Variants in RHD observed in about 807,000 individuals in gnomAD.
RHD encodes the protein blood group Rh(D) polypeptide.
RHD carries 16 observed loss-of-function variants against 45.5 expected under a neutral mutation model. The observed-to-expected ratio is 0.35, with a 90% CI of 0.24 to 0.53. The LOEUF (loss-of-function observed/expected upper bound fraction) is 0.53. RHD is among the 20% of genes least tolerant of loss of function. The probability of loss-of-function intolerance (pLI) is 0.92; values close to 1 mark genes in which losing one functional copy is unlikely to be tolerated. For missense variants in RHD, 306 were observed against 532.0 expected (o/e 0.58, Z 4.18); for synonymous variants, 131 against 217.5 (o/e 0.60, Z 3.50).
At chr1:25,275,600 A>T (rs1161151168) in intron 1 of RHD, among the ~76,000 whole-genome samples, 1 of 133,002 alleles carries the variant, frequency 7.5e-6, no homozygotes, top group African/African-American at 2.6e-5. Context: ...GTATTACTTT[A>T]AGTATTACTA....
At position 25,303,454 on chromosome 1, in the gene RHD, C is replaced by T. The variant is rs1643552167; in HGVS notation, c.934C>T (p.Leu312=). The change falls in exon 6 of 10, where the codon CTG becomes TTG. Residue 312 remains leucine, a synonymous_variant. Coordinates refer to ENST00000328664, the MANE Select transcript of RHD (RefSeq NM_016124.6). The part of the protein sequence containing the change: ...GLISVGGAKY[L]PGCCNRVLGI... Reference sequence around the variant, plus strand: ...GATCTCCGTCGGGGGAGCCAAGTACCTGCCGGTAAGAAACTAGACAACTAA... The same window carrying T: ...GATCTCCGTCGGGGGAGCCAAGTACTTGCCGGTAAGAAACTAGACAACTAA... 7.3e-7 allele frequency: 1 copy of T among 1,379,164 alleles called. No homozygotes were observed. The highest frequency in any genetic ancestry group is 1.0e-6 in the Non-Finnish European group (1 of 978,886). The allele number at this position is 1,379,164 out of a possible 1,614,324, so 85.4% of individuals were successfully genotyped here. A position where few individuals can be genotyped will look rare whatever the true frequency, so the allele number is the denominator to read the frequency against.
chr1:25,306,005 T>C lies in RHD; in HGVS notation c.940-591T>C, dbSNP rs1445570085. Among the ~76,000 whole-genome samples the C allele has an allele frequency of 1.5e-5, 2 of 131,876 alleles. 1 individual carries two copies. Among genetic ancestry groups the C allele is most frequent in the Non-Finnish European group, 3.6e-5 (2 of 55,952 alleles). The allele number at this position is 131,876 out of a possible 152,430, so 86.5% of individuals were successfully genotyped here. On this transcript the variant is annotated intron_variant, in intron 6 of 9. Coordinates refer to ENST00000328664, the MANE Select transcript of RHD (RefSeq NM_016124.6). ...GCTGGCTCACGGCTGTGTGGGAGGCTGAGTGATGGGGAGGAAGGATTACTG... is the reference window on the plus strand; with the variant it reads ...GCTGGCTCACGGCTGTGTGGGAGGCCGAGTGATGGGGAGGAAGGATTACTG...
chr1:25,280,170 A>T (rs143075339), intron 1 of RHD, among the ~76,000 whole-genome samples: 3,310 of 128,672 alleles, frequency 0.026, 885 homozygotes, highest in Non-Finnish European at 0.045. Flanking sequence ...GCTGAGGCAC[A>T]ATTCCTCTCT....
intron 2 of RHD, among the ~76,000 whole-genome samples, chr1:25,288,545 T>TA (rs887707625): frequency 7.9e-6 from 1 of 125,854 alleles, no homozygotes; most frequent in Non-Finnish European, 1.9e-5. Flanking sequence ...ATAATAGCAA[T>TA]AACCAACTCC....
intron 7 of RHD, among the ~76,000 whole-genome samples, chr1:25,313,803 A>G (rs1402090436): frequency 7.5e-6 from 1 of 132,728 alleles, no homozygotes; most frequent in East Asian, 2.0e-4. Flanking sequence ...AGGGGTTTAT[A>G]ATATGAGTTT....
Position 25,302,132 on chromosome 1 carries a change from G to C in RHD, c.801+446G>C, listed in dbSNP as rs752832689. Among the ~76,000 whole-genome samples, 10 of 131,258 alleles carry C rather than the reference G, an allele frequency of 7.6e-5. 2 individuals are homozygous for C. The highest frequency in any genetic ancestry group is 1.8e-4 in the Non-Finnish European group (10 of 55,660). The allele number at this position is 131,258 out of a possible 152,430, so 86.1% of individuals were successfully genotyped here. ...GTGGCTCTGGTCAAGCCACTTCAACGTTTTGAGTCTCAGTGGCCTCATCTG... is the reference window on the plus strand; with the variant it reads ...GTGGCTCTGGTCAAGCCACTTCAACCTTTTGAGTCTCAGTGGCCTCATCTG... On this transcript the variant is annotated intron_variant, in intron 5 of 9. Transcript: ENST00000328664.
At position 25,312,959 on chromosome 1, in the gene RHD, T is replaced by C. The variant is rs1311850292; in HGVS notation, c.1074-4041T>C. ...AAAAAAAAAAAAAAAAAAAAAACTT[T>C]AGTGCTATTGGAATGAATTTTGCAT... On this transcript the variant is annotated intron_variant, in intron 7 of 9. Transcript: ENST00000328664. 2.8e-3 allele frequency among the ~76,000 whole-genome samples: 87 copies of C among 31,254 alleles called. 18 individuals carry two copies. Among genetic ancestry groups the C allele is most frequent in the Non-Finnish European group, 9.8e-4 (9 of 9,224 alleles). The allele number at this position is 31,254 out of a possible 152,430, so 20.5% of individuals were successfully genotyped here.
intron 3 of RHD, among the ~76,000 whole-genome samples, chr1:25,298,965 C>T (rs1474888894): frequency 8.1e-6 from 1 of 123,876 alleles, no homozygotes. Context: ...CTGAAGGTAA[C>T]GAGTGCACAA....
In RHD at chr1:25,276,466, G is replaced by A. The variant is rs1247728531; in HGVS notation, c.148+3771G>A. On this transcript the variant is annotated intron_variant, in intron 1 of 9. Coordinates refer to ENST00000328664, the MANE Select transcript of RHD (RefSeq NM_016124.6). ...TGAGCATTTAGGGAGGCCAAGTGGGGAGGATCGCTTAAACCAAGGAGTTCA... is the reference window on the plus strand; with the variant it reads ...TGAGCATTTAGGGAGGCCAAGTGGGAAGGATCGCTTAAACCAAGGAGTTCA... Among the ~76,000 whole-genome samples the A allele has an allele frequency of 1.7e-5, 2 of 118,500 alleles. 1 individual carries two copies. The highest frequency in any genetic ancestry group is 3.9e-5 in the Non-Finnish European group (2 of 51,928). The allele number at this position is 118,500 out of a possible 152,430, so 77.7% of individuals were successfully genotyped here.
rs1199992003 is a variant in RHD, at chr1:25,301,881, C to T, written c.801+195C>T. On this transcript the variant is annotated intron_variant, in intron 5 of 9. Transcript: ENST00000328664. ...TGGGCCTGGGACTCAGGAGACTGTC[C>T]AGTGATCAAAGGCTTTCTGGGGGTA... Among the ~76,000 whole-genome samples, 2 of 131,532 alleles carry T rather than the reference C, an allele frequency of 1.5e-5. 1 individual carries two copies. The highest frequency in any genetic ancestry group is 3.6e-5 in the Non-Finnish European group (2 of 55,562). The allele number at this position is 131,532 out of a possible 152,430, so 86.3% of individuals were successfully genotyped here.
Position 25,301,582 on chromosome 1 carries a change from G to C in RHD, c.697G>C (p.Glu233Gln), listed in dbSNP as rs1053359. ...FNSALLRSPI[E>Q]RKNAVFNTYY... ...CTCTGCTCTGCTGAGAAGTCCAATC[G>C]AAAGGAAGAATGCCGTGTTCAACAC... Residue 233 changes from glutamate to glutamine, a missense_variant, in exon 5 of 10, where the codon GAA becomes CAA. Physicochemically the swap from Glu to Gln is conservative, Grantham distance 29. Coordinates refer to ENST00000328664, the MANE Select transcript of RHD (RefSeq NM_016124.6). 1,208 of 1,379,062 alleles carry C rather than the reference G, an allele frequency of 8.8e-4. 194 individuals are homozygous for C. The African/African-American group carries it at 0.014, about 16-fold the overall frequency. The allele number at this position is 1,379,062 out of a possible 1,614,324, so 85.4% of individuals were successfully genotyped here.
Position 25,315,133 on chromosome 1 carries a change from T to C in RHD, c.1074-1867T>C, listed in dbSNP as rs112861733. On this transcript the variant is annotated intron_variant, in intron 7 of 9. Transcript: ENST00000328664. ...ATCACGCCACTGCACTCCAGCCTGGTGACACAGCAAGACTCCATCTCAAAA... is the reference window on the plus strand; with the variant it reads ...ATCACGCCACTGCACTCCAGCCTGGCGACACAGCAAGACTCCATCTCAAAA... Among the ~76,000 whole-genome samples the C allele has an allele frequency of 2.6e-3, 335 of 128,172 alleles. 6 individuals are homozygous for C. Among genetic ancestry groups the C allele is most frequent in the African/African-American group, 8.3e-3 (306 of 36,774 alleles). 84.1% of individuals were successfully genotyped at this position (128,172 alleles called of 152,430 possible). A position where few individuals can be genotyped will look rare whatever the true frequency, so the allele number is the denominator to read the frequency against.
At chr1:25,302,875 G>A (rs1203940650) in intron 5 of RHD, among the ~76,000 whole-genome samples, 1 of 131,206 alleles carries the variant, frequency 7.6e-6, no homozygotes, top group Admixed American at 7.4e-5. Context: ...CAGGTGCAGT[G>A]GCTCACACCT....
chr1:25,309,817 G>GC (rs1426292366), intron 7 of RHD, among the ~76,000 whole-genome samples: 1 of 132,610 alleles, frequency 7.5e-6, no homozygotes, highest in African/African-American at 2.6e-5. Flanking sequence ...CATGTGTTGA[G>GC]CTGAGGGTCT....
In RHD at chr1:25,276,931, G is replaced by A. The variant is rs1641054684; in HGVS notation, c.148+4236G>A. ...AATACAAAAAAATTAGCCGGGTGTG[G>A]TGGCGGGTGCCTGTAGTCCCAGCTA... On this transcript the variant is annotated intron_variant, in intron 1 of 9. Coordinates refer to ENST00000328664, the MANE Select transcript of RHD (RefSeq NM_016124.6). Among the ~76,000 whole-genome samples the A allele has an allele frequency of 2.3e-5, 3 of 131,074 alleles. 1 individual carries two copies. The South Asian group carries it at 7.0e-4, about 31-fold the overall frequency. The allele number at this position is 131,074 out of a possible 152,430, so 86.0% of individuals were successfully genotyped here.
Position 25,292,669 on chromosome 1 carries a change from G to A in RHD, c.486+1878G>A, listed in dbSNP as rs559855911. Among the ~76,000 whole-genome samples the A allele has an allele frequency of 8.5e-5, 11 of 129,238 alleles. 2 individuals are homozygous for A. Among genetic ancestry groups the A allele is most frequent in the African/African-American group, 2.9e-4 (11 of 38,120 alleles). The allele number at this position is 129,238 out of a possible 152,430, so 84.8% of individuals were successfully genotyped here. On this transcript the variant is annotated intron_variant, in intron 3 of 9. Transcript: ENST00000328664. ...AGGTTGGGGGAGGGGGGGTAGAGAT[G>A]TGTATGAAACATCCCAGTGGAGACA...
rs71652367 is a variant in RHD at position 25,284,235 on chromosome 1, G to A, written c.149-338G>A. Among the ~76,000 whole-genome samples the A allele has an allele frequency of 4.1e-4, 56 of 136,132 alleles. 3 individuals carry two copies. The highest frequency in any genetic ancestry group is 1.3e-3 in the African/African-American group (51 of 39,796). The allele number at this position is 136,132 out of a possible 152,430, so 89.3% of individuals were successfully genotyped here. ...TGACCTTTACTGAGTGTCCATGTGC[G>A]TCAAGCACGTGTGCTTTACACTTGT... On this transcript the variant is annotated intron_variant, in intron 1 of 9. Coordinates refer to ENST00000328664, the MANE Select transcript of RHD (RefSeq NM_016124.6).
chr1:25,305,735 G>T lies in RHD; in HGVS notation c.940-861G>T, dbSNP rs186702733. Among the ~76,000 whole-genome samples, 36 of 129,874 alleles carry T rather than the reference G, an allele frequency of 2.8e-4. 6 individuals carry two copies. The highest frequency in any genetic ancestry group is 9.6e-4 in the African/African-American group (36 of 37,616). The allele number at this position is 129,874 out of a possible 152,430, so 85.2% of individuals were successfully genotyped here. A position where few individuals can be genotyped will look rare whatever the true frequency, so the allele number is the denominator to read the frequency against. ...CCTGCCTCAGCCTCCTGAGTAGCTG[G>T]GTCTACAGGCGCCCACCACCACGCC... is the stretch of plus-strand genomic sequence containing the variant. On this transcript the variant is annotated intron_variant, in intron 6 of 9. Coordinates refer to ENST00000328664, the MANE Select transcript of RHD (RefSeq NM_016124.6).
chr1:25,283,350 G>A lies in RHD; in HGVS notation c.149-1223G>A, dbSNP rs1292983101. On this transcript the variant is annotated intron_variant, in intron 1 of 9. Coordinates refer to ENST00000328664, the MANE Select transcript of RHD (RefSeq NM_016124.6). Reference sequence around the variant, plus strand: ...GTTCGAGACCAGCTTGGCCAACATAGCGAAACCCCTTCTCTATTAAAAATA... The same window carrying A: ...GTTCGAGACCAGCTTGGCCAACATAACGAAACCCCTTCTCTATTAAAAATA... Among the ~76,000 whole-genome samples the A allele has an allele frequency of 8.4e-5, 11 of 131,346 alleles. 3 individuals carry two copies. The highest frequency in any genetic ancestry group is 2.0e-4 in the Non-Finnish European group (11 of 55,576). 86.2% of individuals were successfully genotyped at this position (131,346 alleles called of 152,430 possible).
Sources: gnomAD v4.1 joint callset for allele counts (sites outside exome capture counted in the v4.1 genomes callset) on GRCh38, gnomAD v4.1.1 for gene constraint, MANE v1.5 for transcripts, NCBI Gene and HGNC (gene_info 2026-07-23, HGNC 2026-07-21) for gene names.